The following LRMDA variants were observed in gnomAD, a reference collection of about 807,000 sequenced individuals.
LRMDA encodes the protein leucine-rich melanocyte differentiation-associated protein.
A neutral mutation model predicts 29.8 loss-of-function variants in LRMDA; 18 were observed. That is an observed-to-expected ratio of 0.60 (90% CI 0.42 to 0.90). The LOEUF (loss-of-function observed/expected upper bound fraction) is 0.90, where lower values mean the gene tolerates loss of function less well. LRMDA is among the 40% of genes least tolerant of loss of function. The probability of loss-of-function intolerance (pLI) is 0.00; values close to 1 mark genes in which losing one functional copy is unlikely to be tolerated. For missense variants in LRMDA, 273 were observed against 273.9 expected (o/e 1.00, Z 0.02); for synonymous variants, 125 against 109.4 (o/e 1.14, Z -0.89).
chr10:75,523,636 C>T (rs375279291), intron 2 of LRMDA, among the ~76,000 whole-genome samples: 26 of 152,044 alleles, frequency 1.7e-4, no homozygotes, highest in Non-Finnish European at 2.8e-4. Flanking sequence ...CTTTTGAAAA[C>T]GAAAGAGGGA....
rs192750424 is a variant in LRMDA, at chr10:76,460,520, A to T, written c.602-96689A>T. 7.9e-5 allele frequency among the ~76,000 whole-genome samples: 12 copies of T among 152,350 alleles called. No individual in the cohort carries two copies. The East Asian group carries it at 2.3e-3, about 29-fold the overall frequency. On this transcript the variant is annotated intron_variant, in intron 6 of 6. Transcript: ENST00000611255. ...TTAATGCATGTGGTGGAGACAGATG[A>T]TCACATATCGTGAATGCCTCTGATT...
intron 6 of LRMDA, among the ~76,000 whole-genome samples, chr10:76,471,554 G>C (rs941592251): frequency 1.1e-4 from 16 of 151,494 alleles, no homozygotes; most frequent in Non-Finnish European, 2.1e-4. Context: ...AACTGAAATG[G>C]AATATGTAAA....
intron 2 of LRMDA, among the ~76,000 whole-genome samples, chr10:75,937,444 G>A (rs1846315991): frequency 6.6e-6 from 1 of 152,186 alleles, no homozygotes; most frequent in South Asian, 2.1e-4. Flanking sequence ...CCCAAGCCTT[G>A]TGTCACCACT....
intron 2 of LRMDA, chr10:75,552,413 GT>G (rs374745156): frequency 0.012 from 2,750 of 230,578 alleles, 26 homozygotes; most frequent in African/African-American, 0.041. Context: ...TTTGTTCTGT[GT>G]TTTTTTTTTT....
rs1208758519 is a variant in LRMDA at position 76,221,236 on chromosome 10, A to G, written c.517-103165A>G. Among the ~76,000 whole-genome samples the G allele has an allele frequency of 2.0e-5, 3 of 151,982 alleles. No homozygotes were observed. In the East Asian group the frequency reaches 5.8e-4, roughly 30 times the overall value. The stretch of plus-strand genomic sequence containing the variant: ...CAAGACAGGGATGCCCTCTCTCACC[A>G]CTCCTATTCAACATAGTGTTGGAAG... On this transcript the variant is annotated intron_variant, in intron 5 of 6. Coordinates refer to ENST00000611255, the MANE Select transcript of LRMDA (RefSeq NM_001305581.2).
At chr10:76,530,399 G>A (rs1378481570) in intron 6 of LRMDA, among the ~76,000 whole-genome samples, 1 of 152,058 alleles carries the variant, frequency 6.6e-6, no homozygotes, top group Non-Finnish European at 1.5e-5. Context: ...CTATGCCCAA[G>A]GACTCAGGGA....
intron 2 of LRMDA, among the ~76,000 whole-genome samples, chr10:75,511,305 AGCCTGGGCAAT>A (rs1845223490): frequency 6.6e-6 from 1 of 152,216 alleles, no homozygotes; most frequent in Non-Finnish European, 1.5e-5. Context: ...ATCACACTCC[AGCCTGGGCAAT>A]AGAGTGAGAC....
chr10:76,402,900 A>G (rs1369126115), intron 6 of LRMDA, among the ~76,000 whole-genome samples: 2 of 152,144 alleles, frequency 1.3e-5, no homozygotes, highest in African/African-American at 2.4e-5. Context: ...GTAAATAATC[A>G]TAGGTGGGCC....
chr10:75,800,854 C>T (rs970174916), intron 2 of LRMDA, among the ~76,000 whole-genome samples: 2 of 152,128 alleles, frequency 1.3e-5, no homozygotes, highest in Non-Finnish European at 2.9e-5. Context: ...TCTGTTATCT[C>T]CCCCTGAAAA....
intron 2 of LRMDA, among the ~76,000 whole-genome samples, chr10:76,030,461 T>C (rs1341651501): frequency 6.6e-6 from 1 of 152,162 alleles, no homozygotes; most frequent in Non-Finnish European, 1.5e-5. Context: ...AAGAGTTTTA[T>C]GGAAAAAAGA....
At chr10:75,452,154 A>G (rs4746297) in intron 2 of LRMDA, among the ~76,000 whole-genome samples, 120,021 of 152,010 alleles carry the variant, frequency 0.79, 47,776 homozygotes, top group Middle Eastern at 0.86. Context: ...GCTCCAGTGC[A>G]GACCCTCTGC....
intron 5 of LRMDA, among the ~76,000 whole-genome samples, chr10:76,141,700 A>T (rs180690738): frequency 5.3e-5 from 8 of 152,194 alleles, no homozygotes; most frequent in Admixed American, 2.6e-4. Context: ...TAGTCTTGTC[A>T]CAAATCTCTC....
intron 5 of LRMDA, chr10:76,318,364 G>A (rs538852740): frequency 6.6e-6 from 1 of 152,164 alleles, no homozygotes; most frequent in Non-Finnish European, 1.5e-5. Context: ...GCAGAACTGG[G>A]CCCCCTGTAG....
intron 2 of LRMDA, among the ~76,000 whole-genome samples, chr10:75,877,759 T>C (rs987852078): frequency 1.3e-5 from 2 of 152,178 alleles, no homozygotes; most frequent in Non-Finnish European, 2.9e-5. Flanking sequence ...GAGACTCTCT[T>C]GAAGGGGAGG....
intron 5 of LRMDA, among the ~76,000 whole-genome samples, chr10:76,264,180 C>T (rs1275101923): frequency 1.3e-5 from 2 of 152,044 alleles, no homozygotes; most frequent in African/African-American, 4.8e-5. Flanking sequence ...CGGCAGATCA[C>T]TTGAGGCCAG....
intron 2 of LRMDA, among the ~76,000 whole-genome samples, chr10:75,917,983 A>AG (rs1845963435): frequency 6.6e-6 from 1 of 151,870 alleles, no homozygotes; most frequent in Non-Finnish European, 1.5e-5. Context: ...ACACACACAC[A>AG]CAGGCCTGGC....
chr10:76,018,619 G>T (rs1204910253), intron 2 of LRMDA, among the ~76,000 whole-genome samples: 1 of 149,550 alleles, frequency 6.7e-6, no homozygotes, highest in Non-Finnish European at 1.5e-5. Context: ...CCAGGCTGGA[G>T]TGCAGTGGTT....
At chr10:76,218,806 A>G (rs1851775027) in intron 5 of LRMDA, among the ~76,000 whole-genome samples, 2 of 152,154 alleles carry the variant, frequency 1.3e-5, no homozygotes, top group South Asian at 4.1e-4. Flanking sequence ...CAAGAGAATT[A>G]CTCAGCTCTG....
intron 6 of LRMDA, among the ~76,000 whole-genome samples, chr10:76,397,277 C>T (rs374155307): frequency 7.2e-5 from 11 of 152,122 alleles, no homozygotes; most frequent in Admixed American, 3.3e-4. Flanking sequence ...AGGCGGCTCC[C>T]CAGGAGCCTT....
Sources: allele counts gnomAD v4.1 joint callset (sites outside exome capture counted in the v4.1 genomes callset), GRCh38; gene constraint gnomAD v4.1.1; transcripts MANE v1.5; gene names NCBI Gene and HGNC (gene_info 2026-07-23, HGNC 2026-07-21).